Variants in FGD6 observed in about 807,000 individuals in gnomAD.
FGD6 encodes the protein FYVE, RhoGEF and PH domain containing 6, also known as FYVE, RhoGEF and PH domain-containing protein 6.
In FGD6, 90 loss-of-function variants were observed where a neutral mutation model predicts 149.4. The observed-to-expected ratio is 0.60, with a 90% CI of 0.51 to 0.72. The LOEUF (loss-of-function observed/expected upper bound fraction) is 0.72. Ranked by LOEUF, FGD6 falls within the 30% of genes least tolerant of loss-of-function variation. FGD6 has a pLI of 0.00. For synonymous variants in FGD6, 527 were observed against 584.0 expected (o/e 0.90, Z 1.41); for missense variants, 1,437 against 1,684.8 (o/e 0.85, Z 2.57).
intron 3 of FGD6, among the ~76,000 whole-genome samples, chr12:95,163,979 C>A (rs1300036992): frequency 1.3e-5 from 2 of 152,210 alleles, no homozygotes; most frequent in African/African-American, 4.8e-5. Context: ...AAAACACACA[C>A]CCCATGGCAT....
intron 2 of FGD6, among the ~76,000 whole-genome samples, chr12:95,208,439 G>A (rs907566214): frequency 1.6e-4 from 25 of 152,070 alleles, no homozygotes; most frequent in Admixed American, 2.0e-4. Context: ...CGCACCACAC[G>A]TAAATGCCTA....
Position 95,085,864 on chromosome 12 carries a change from G to A in FGD6, c.4023C>T (p.Tyr1341=). The A allele has an allele frequency of 6.2e-7, 1 of 1,612,230 alleles. No homozygotes were observed. Among genetic ancestry groups the A allele is most frequent in the Non-Finnish European group, 8.5e-7 (1 of 1,179,570 alleles). ...AGGGTTTTTTATTGCCCTTTGATCTGTACAAGTAGCCACTCATAGAAGAAT... is the reference window on the plus strand; with the variant it reads ...AGGGTTTTTTATTGCCCTTTGATCTATACAAGTAGCCACTCATAGAAGAAT... ...TEDSSMSGYL[Y]RSKGNKKPWK... The change falls in exon 19 of 21, where the codon TAC becomes TAT. Residue 1341 remains tyrosine, a synonymous_variant. Coordinates refer to ENST00000343958, the MANE Select transcript of FGD6 (RefSeq NM_018351.4).
At chr12:95,190,209 G>A (rs1277055876) in intron 2 of FGD6, among the ~76,000 whole-genome samples, 1 of 152,060 alleles carries the variant, frequency 6.6e-6, no homozygotes, top group Non-Finnish European at 1.5e-5. Flanking sequence ...TTGCTCTGTC[G>A]CTCAGGCTGG....
In FGD6 at chr12:95,092,763, C is replaced by T. The variant is rs762205924; in HGVS notation, c.3683G>A (p.Cys1228Tyr). Residue 1228 changes from cysteine (C) to tyrosine (Y), a missense_variant, in exon 16 of 21, where the codon TGT becomes TAT. Coordinates refer to ENST00000343958, the MANE Select transcript of FGD6 (RefSeq NM_018351.4). ...AGTGAATTCGCTTGTGCAGATCATA[C>T]ACATTGTGGCTCTGGTATCAGGAAT... is the stretch of plus-strand genomic sequence containing the variant. ...IWIPDTRATM[C>Y]MICTSEFTLT... 1 of 1,614,032 alleles carries T rather than the reference C, an allele frequency of 6.2e-7. No individual in the cohort carries two copies. The highest frequency in any genetic ancestry group is 8.5e-7 in the Non-Finnish European group (1 of 1,180,040).
chr12:95,208,975 C>T lies in FGD6; in HGVS notation c.2309G>A (p.Arg770Gln), dbSNP rs749714046. ...CTGCCATTCCAACTCTTGAGTTTTC[C>T]GTATAGCCATAATAAATGGCAAGTT... ...YENLPFIMAI[R>Q]KTQELEWQNS... The change falls in exon 2 of 21, where the codon CGG (arginine) becomes CAG (glutamine). Residue 770 changes from arginine to glutamine, a missense_variant. Physicochemically the swap from Arg to Gln is conservative, Grantham distance 43. Transcript: ENST00000343958. The T allele has an allele frequency of 5.9e-5, 96 of 1,614,006 alleles. No individual in the cohort carries two copies. The highest frequency in any genetic ancestry group is 4.2e-4 in the East Asian group (19 of 44,866).
Position 95,137,608 on chromosome 12 carries a change from T to C in FGD6, c.2908A>G (p.Ile970Val). Residue 970 changes from isoleucine to valine, a missense_variant, in exon 7 of 21, where the codon ATC (isoleucine) becomes GTC (valine). Physicochemically the swap from Ile to Val is conservative, Grantham distance 29. Around this residue, in one of 2 missense-constraint regions of FGD6, gnomAD observed 1,055 missense variants for 1,146.0 expected, o/e 0.92. Transcript: ENST00000343958. Reference sequence around the variant, plus strand: ...GCTATATTCTTATCAAATTCTTTGATGTATGTGGAATACATTTTTAGATAT... The same window carrying C: ...GCTATATTCTTATCAAATTCTTTGACGTATGTGGAATACATTTTTAGATAT... Reference protein sequence around the residue: ...GPYLKMYSTYIKEFDKNIALL... With the variant: ...GPYLKMYSTYVKEFDKNIALL... 2 of 1,612,156 alleles carry C rather than the reference T, an allele frequency of 1.2e-6. No individual in the cohort carries two copies. Among genetic ancestry groups the C allele is most frequent in the Non-Finnish European group, 1.7e-6 (2 of 1,179,404 alleles).
chr12:95,198,660 C>T (rs1183958081), intron 2 of FGD6, among the ~76,000 whole-genome samples: 2 of 152,130 alleles, frequency 1.3e-5, no homozygotes, highest in African/African-American at 4.8e-5. Flanking sequence ...AGGATGTTCT[C>T]GATCTGACCT....
chr12:95,201,624 C>T (rs1328191696), intron 2 of FGD6, among the ~76,000 whole-genome samples: 1 of 152,074 alleles, frequency 6.6e-6, no homozygotes, highest in African/African-American at 2.4e-5. Flanking sequence ...AGTGCAAATA[C>T]TTAGGAGAAC....
chr12:95,110,197 TG>T (rs1878769925), intron 9 of FGD6, among the ~76,000 whole-genome samples: 1 of 151,794 alleles, frequency 6.6e-6, no homozygotes. Context: ...AGGATGGTCT[TG>T]ATCTCCTGAC....
chr12:95,089,839 G>T, intron 17 of FGD6, 143 bp from the exon 18 acceptor site: 1 of 1,040,918 alleles, frequency 9.6e-7, no homozygotes, highest in Non-Finnish European at 1.4e-6. Context: ...AAAGGACAAT[G>T]GATGGCTGGG....
intron 8 of FGD6, among the ~76,000 whole-genome samples, chr12:95,114,493 C>CAAGT (rs1555217714): frequency 7.0e-6 from 1 of 142,924 alleles, no homozygotes. Context: ...CACACACACA[C>CAAGT]GTCAGACGTG....
intron 3 of FGD6, 29 bp from the exon 4 acceptor site, chr12:95,153,022 C>G (rs1267582309): frequency 1.9e-6 from 3 of 1,593,716 alleles, no homozygotes; most frequent in African/African-American, 2.7e-5. Context: ...TTAACATGAA[C>G]TCATAAAAGA....
At chr12:95,128,076 A>G (rs1394709406) in intron 8 of FGD6, among the ~76,000 whole-genome samples, 1 of 152,236 alleles carries the variant, frequency 6.6e-6, no homozygotes, top group Non-Finnish European at 1.5e-5. Context: ...AGAAGATGAA[A>G]AAAGACTTAG....
chr12:95,104,924 A>G (rs1316378606), intron 14 of FGD6, 83 bp downstream of exon 14: 14 of 1,363,496 alleles, frequency 1.0e-5, no homozygotes, highest in African/African-American at 8.9e-5. Flanking sequence ...AAAAAAACCA[A>G]AAACCAAAAT....
At chr12:95,178,864 C>T (rs1261661213) in intron 2 of FGD6, among the ~76,000 whole-genome samples, 1 of 152,042 alleles carries the variant, frequency 6.6e-6, no homozygotes, top group African/African-American at 2.4e-5. Flanking sequence ...AAACTTACAA[C>T]ATAAAATGTA....
chr12:95,181,862 G>A (rs1347060633), intron 2 of FGD6, among the ~76,000 whole-genome samples: 1 of 151,404 alleles, frequency 6.6e-6, no homozygotes, highest in Non-Finnish European at 1.5e-5. Flanking sequence ...GCTGAGGCAG[G>A]AGAATGGCGA....
At chr12:95,134,855 CAG>C (rs1879623024) in intron 7 of FGD6, 29 bp from the exon 8 acceptor site, 1 of 1,577,318 alleles carries the variant, frequency 6.3e-7, no homozygotes, top group African/African-American at 1.4e-5. Flanking sequence ...TAAATTAACA[CAG>C]TGTTTTCTAA....
Position 95,152,987 on chromosome 12 carries a change from C to T in FGD6, c.2593G>A (p.Asp865Asn). The T allele has an allele frequency of 6.2e-7, 1 of 1,613,752 alleles. No individual in the cohort carries two copies. Among genetic ancestry groups the T allele is most frequent in the Non-Finnish European group, 8.5e-7 (1 of 1,179,804 alleles). Residue 865 changes from aspartate to asparagine, a missense_variant, in exon 4 of 21, where the codon GAT (aspartate) becomes AAT (asparagine). Asp to Asn is a conservative substitution (Grantham distance 23, BLOSUM62 1). This residue lies in a region of FGD6 where 1,055 missense variants were observed against 1,146.0 expected (regional missense o/e 0.92). Transcript: ENST00000343958. ...TGAACTTTACTTTTCATTCCATTAT[C>T]TTCATCCTGTGGATAAGAGCACATT... ...PDPLEDKQDEDNGMKSKVHHI... is the reference protein window; with the variant it reads ...PDPLEDKQDENNGMKSKVHHI...
chr12:95,141,962 C>T (rs545896638), intron 5 of FGD6, among the ~76,000 whole-genome samples: 5 of 152,140 alleles, frequency 3.3e-5, no homozygotes, highest in African/African-American at 1.2e-4. Context: ...CCACTGTCCA[C>T]TTTCAGTCAT....
Sources: gnomAD v4.1 joint callset for allele counts (sites outside exome capture counted in the v4.1 genomes callset) on GRCh38, gnomAD v4.1.1 for gene constraint, gnomAD v4.1.1 regional missense constraint, MANE v1.5 for transcripts, NCBI Gene and HGNC (gene_info 2026-07-23, HGNC 2026-07-21) for gene names.